Variants in SAFB2 observed in about 807,000 individuals in gnomAD.
SAFB2 encodes the protein scaffold attachment factor B2.
A neutral mutation model predicts 100.6 loss-of-function variants in SAFB2; 32 were observed. That is an observed-to-expected ratio of 0.32 (90% CI 0.24 to 0.43). The LOEUF is 0.43. SAFB2 is among the 20% of genes least tolerant of loss of function. SAFB2 has a pLI of 1.00. For synonymous variants in SAFB2, 500 were observed against 439.4 expected, an observed-to-expected ratio of 1.14 and a Z score of -1.72; for missense variants, 1,185 against 1,163.4, an observed-to-expected ratio of 1.02 and a Z score of -0.27.
At chr19:5,618,068 T>C (rs530021212) in intron 2 of SAFB2, among the ~76,000 whole-genome samples, 7 of 152,284 alleles carry the variant, frequency 4.6e-5, no homozygotes, top group African/African-American at 1.7e-4. Flanking sequence ...GCTCCGAGCC[T>C]GAGAGCTTGA....
At chr19:5,591,656 C>G (rs2052407789) in intron 17 of SAFB2, 92 bp downstream of exon 17, 9 of 1,313,036 alleles carry the variant, frequency 6.9e-6, no homozygotes, top group Non-Finnish European at 9.8e-6. Flanking sequence ...TGCCACCTCT[C>G]TGGGATCAAG....
At position 5,611,608 on chromosome 19, in the gene SAFB2, A is replaced by T; in HGVS notation, c.657T>A (p.Ile219=). ...LEPENEKILD[I]LGETCKSEPV... Reference sequence around the variant, plus strand: ...GCTCAGATTTACAAGTTTCCCCCAAAATGTCGAGTATTTTCTCATTTTCTA... The same window carrying T: ...GCTCAGATTTACAAGTTTCCCCCAATATGTCGAGTATTTTCTCATTTTCTA... Residue 219 remains isoleucine (I), a synonymous_variant, in exon 7 of 21, where the codon ATT becomes ATA. Coordinates refer to ENST00000252542, the MANE Select transcript of SAFB2 (RefSeq NM_014649.3). 1 of 480,526 alleles carries T rather than the reference A, an allele frequency of 2.1e-6. No individual in the cohort carries two copies. Among genetic ancestry groups the T allele is most frequent in the Non-Finnish European group, 3.7e-6 (1 of 270,450 alleles). The allele number at this position is 480,526 out of a possible 1,614,324, so 29.8% of individuals were successfully genotyped here.
Position 5,587,715 on chromosome 19 carries a change from G to T in SAFB2, c.2691C>A (p.Arg897=). 6.4e-7 allele frequency: 1 copy of T among 1,551,706 alleles called. No homozygotes were observed. Among genetic ancestry groups the T allele is most frequent in the Non-Finnish European group, 8.7e-7 (1 of 1,147,180 alleles). Residue 897 remains arginine (R), a synonymous_variant, in exon 20 of 21, where the codon CGC becomes CGA. Coordinates refer to ENST00000252542, the MANE Select transcript of SAFB2 (RefSeq NM_014649.3). The surrounding 1 kb of genome is among the most constrained non-coding windows in gnomAD (Gnocchi z 4.9). ...GPSGPGHMAS[R]GGVAGRGGFA... Reference sequence around the variant, plus strand: ...ACACACCTTACCCCGCCACTCCACCGCGGCTTGCCATGTGCCCCGGCCCCG... The same window carrying T: ...ACACACCTTACCCCGCCACTCCACCTCGGCTTGCCATGTGCCCCGGCCCCG...
intron 13 of SAFB2, 75 bp from the exon 14 acceptor site, chr19:5,595,572 G>T (rs2052519491): frequency 6.5e-7 from 1 of 1,546,544 alleles, no homozygotes. Context: ...ATGCACGTGT[G>T]CATGAGACTA....
chr19:5,621,726 C>G (rs1251029168), intron 1 of SAFB2, among the ~76,000 whole-genome samples: 1 of 152,224 alleles, frequency 6.6e-6, no homozygotes, highest in Non-Finnish European at 1.5e-5. Flanking sequence ...AACAGAGAGG[C>G]TGCACTTGGC....
At chr19:5,607,949 A>T (rs1394927372) in intron 9 of SAFB2, among the ~76,000 whole-genome samples, 1 of 152,224 alleles carries the variant, frequency 6.6e-6, no homozygotes, top group Non-Finnish European at 1.5e-5. Flanking sequence ...GCCACTTCCC[A>T]TTCTACCTTC....
At chr19:5,616,049 T>A (rs759550837) in intron 4 of SAFB2, 83 bp downstream of exon 4, 2 of 1,280,274 alleles carry the variant, frequency 1.6e-6, no homozygotes, top group Non-Finnish European at 2.2e-6. Context: ...GGTTTAGCTG[T>A]GTTCTCCCTC....
At chr19:5,615,575 G>A (rs1184564291) in intron 4 of SAFB2, among the ~76,000 whole-genome samples, 2 of 151,976 alleles carry the variant, frequency 1.3e-5, no homozygotes, top group South Asian at 2.1e-4. Flanking sequence ...AATTAGCTGG[G>A]CGTGGTGGTT....
intron 2 of SAFB2, among the ~76,000 whole-genome samples, chr19:5,620,928 T>C (rs2053127068): frequency 6.6e-6 from 1 of 152,132 alleles, no homozygotes; most frequent in Non-Finnish European, 1.5e-5. Flanking sequence ...TTCTATTCGG[T>C]CTCAGGTTGG....
chr19:5,600,333 A>G, intron 11 of SAFB2, 73 bp from the exon 12 acceptor site: 1 of 1,561,784 alleles, frequency 6.4e-7, no homozygotes, highest in Non-Finnish European at 8.6e-7. Context: ...CAGAGCCTCG[A>G]CTCACACATA....
chr19:5,621,704 G>A (rs998966531), intron 1 of SAFB2, among the ~76,000 whole-genome samples: 1 of 152,222 alleles, frequency 6.6e-6, no homozygotes, highest in Non-Finnish European at 1.5e-5. Flanking sequence ...GTTATATGAT[G>A]GGACAAATTA....
At position 5,610,182 on chromosome 19, in the gene SAFB2, C is replaced by A. The variant is rs1478946991; in HGVS notation, c.1196-87G>T. On this transcript the variant is annotated intron_variant, in intron 8 of 20. Transcript: ENST00000252542. ...TTAAGACCGCAGCCCTCTTTAAAAA[C>A]CCTAACGACGCCCAATCCCAACTGC... The A allele has an allele frequency of 5.6e-6, 6 of 1,062,768 alleles. No homozygotes were observed. The Admixed American group carries it at 1.2e-4, about 21-fold the overall frequency. The allele number at this position is 1,062,768 out of a possible 1,614,324, so 65.8% of individuals were successfully genotyped here. A position where few individuals can be genotyped will look rare whatever the true frequency, so the allele number is the denominator to read the frequency against.
intron 4 of SAFB2, 83 bp downstream of exon 4, chr19:5,616,049 T>G: frequency 1.6e-6 from 2 of 1,280,392 alleles, no homozygotes; most frequent in Non-Finnish European, 2.2e-6. Flanking sequence ...GGTTTAGCTG[T>G]GTTCTCCCTC....
At chr19:5,594,279 ATGG>A in intron 14 of SAFB2, 101 bp from the exon 15 acceptor site, 1 of 1,369,602 alleles carries the variant, frequency 7.3e-7, no homozygotes, top group Non-Finnish European at 9.6e-7. Context: ...GAAAAAAAAA[ATGG>A]ATCCAAAAGC....
rs1351636825 is a variant in SAFB2, at chr19:5,594,130, C to T, written c.1968G>A (p.Glu656=). 21 of 1,602,590 alleles carry T rather than the reference C, an allele frequency of 1.3e-5. No homozygotes were observed. The Admixed American group carries it at 3.2e-4, about 24-fold the overall frequency. The change falls in exon 15 of 21, where the codon GAG becomes GAA. Residue 656 remains glutamate, a synonymous_variant. Coordinates refer to ENST00000252542, the MANE Select transcript of SAFB2 (RefSeq NM_014649.3). ...GCTGTAGCCGGGCCTTCTCCTTCCG[C>T]TCATGGAAGGCCTCGAGGCGTTGCT... The part of the protein sequence containing the change: ...EREQRLEAFH[E]RKEKARLQRE...
intron 14 of SAFB2, 51 bp downstream of exon 14, chr19:5,595,310 G>C: frequency 6.3e-7 from 1 of 1,582,044 alleles, no homozygotes; most frequent in East Asian, 2.2e-5. Context: ...GAGAAGGACA[G>C]CCACCCCGAG....
chr19:5,592,738 A>G lies in SAFB2; in HGVS notation c.2348+9T>C. 1 of 1,613,742 alleles carries G rather than the reference A, an allele frequency of 6.2e-7. No homozygotes were observed. Among genetic ancestry groups the G allele is most frequent in the South Asian group, 1.1e-5 (1 of 91,030 alleles). On this transcript the variant is annotated intron_variant, in intron 16 of 20. Transcript: ENST00000252542. ...GACTGTAGCTAAAGGAGGGGACAAG[A>G]CCACTGACCTGTCGATGGCGTGGTC... is the stretch of plus-strand genomic sequence containing the variant.
rs750606883 is a variant in SAFB2, at chr19:5,610,117, T to C, written c.1196-22A>G. 6.9e-6 allele frequency: 11 copies of C among 1,605,452 alleles called. No individual in the cohort carries two copies. In the Admixed American group the frequency reaches 1.8e-4, roughly 27 times the overall value. On this transcript the variant is annotated intron_variant, in intron 8 of 20. Coordinates refer to ENST00000252542, the MANE Select transcript of SAFB2 (RefSeq NM_014649.3). ...CGACCTGGCACGAGAGGGAGATTCT[T>C]AGGCATCACCCCAAGGCCTAACAGG...
chr19:5,609,209 G>A (rs958750185), intron 9 of SAFB2, among the ~76,000 whole-genome samples: 3 of 151,196 alleles, frequency 2.0e-5, no homozygotes, highest in Admixed American at 2.0e-4. Flanking sequence ...CAGCATCTTA[G>A]TGATTTATTT....
Sources: gnomAD v4.1 joint callset for allele counts (sites outside exome capture counted in the v4.1 genomes callset) on GRCh38, gnomAD v4.1.1 for gene constraint, Gnocchi (gnomAD v3.1) non-coding constraint, MANE v1.5 for transcripts, NCBI Gene and HGNC (gene_info 2026-07-23, HGNC 2026-07-21) for gene names.